TENM3: variants seen among roughly 807,000 people sequenced by gnomAD.
TENM3 encodes the protein teneurin-3.
A neutral mutation model predicts 255.1 loss-of-function variants in TENM3; 63 were observed. The observed-to-expected ratio is 0.25, with a 90% CI of 0.20 to 0.30. TENM3 has a LOEUF of 0.30. TENM3 is among the 10% of genes least tolerant of loss of function. The pLI is 1.00. For missense variants in TENM3, 2,929 were observed against 3,461.1 expected (o/e 0.85, Z 3.86); for synonymous variants, 1,306 against 1,322.3 (o/e 0.99, Z 0.27).
the TENM3 span, among the ~76,000 whole-genome samples, chr4:181,972,303 C>T: frequency 1.3e-5 from 2 of 151,770 alleles, no homozygotes; most frequent in Non-Finnish European, 2.9e-5. Flanking sequence ...CCTGTAGTCC[C>T]AGCTACTTGG....
the TENM3 span, among the ~76,000 whole-genome samples, chr4:181,820,592 C>T: frequency 1.1e-4 from 16 of 152,240 alleles, no homozygotes; most frequent in Middle Eastern, 3.4e-3. Flanking sequence ...TGTGCCGTGG[C>T]TCACAAAAGC....
chr4:182,021,141 C>G, the TENM3 span, among the ~76,000 whole-genome samples: 1 of 152,130 alleles, frequency 6.6e-6, no homozygotes, highest in Admixed American at 6.6e-5. Context: ...GTTTAGCTCC[C>G]ACTTATGAGA....
chr4:182,212,277 C>T (rs942145321), intron 1 of TENM3, among the ~76,000 whole-genome samples: 2 of 152,198 alleles, frequency 1.3e-5, no homozygotes, highest in Non-Finnish European at 2.9e-5. Context: ...CAGCCTTGAC[C>T]GCCACATGGC....
At chr4:181,855,683 A>G in the TENM3 span, among the ~76,000 whole-genome samples, 3 of 152,230 alleles carry the variant, frequency 2.0e-5, no homozygotes, top group Non-Finnish European at 2.9e-5. Context: ...GATATTTAAG[A>G]TGTAGAAACT....
the TENM3 span, among the ~76,000 whole-genome samples, chr4:181,759,347 C>T: frequency 6.6e-6 from 1 of 152,068 alleles, no homozygotes; most frequent in Admixed American, 6.6e-5. Flanking sequence ...CAAAACCCAT[C>T]TGCTTGTAAA....
rs887993769 is a variant in TENM3 at position 182,366,943 on chromosome 4, A to G, written c.511+20014A>G. Among the ~76,000 whole-genome samples the G allele has an allele frequency of 7.9e-5, 12 of 152,144 alleles. No homozygotes were observed. The South Asian group carries it at 8.3e-4, about 11-fold the overall frequency. ...CATAAGCATAACATTTAATCCCTAT[A>G]TTACGTATTTTGAGAGTTCGTTTTA... On this transcript the variant is annotated intron_variant, in intron 3 of 27. Transcript: ENST00000511685.
At chr4:182,024,434 T>C in the TENM3 span, among the ~76,000 whole-genome samples, 1 of 152,204 alleles carries the variant, frequency 6.6e-6, no homozygotes, top group East Asian at 1.9e-4. Flanking sequence ...TTTGTTTACA[T>C]ATTTATGTAT....
At chr4:181,504,017 T>A in the TENM3 span, among the ~76,000 whole-genome samples, 4 of 152,192 alleles carry the variant, frequency 2.6e-5, no homozygotes, top group African/African-American at 9.7e-5. Flanking sequence ...AAGGTTTTAG[T>A]GACAAAACAG....
In TENM3 at chr4:182,730,215, C is replaced by T. The variant is rs540307936; in HGVS notation, c.2601C>T (p.Ile867=). 4 of 1,613,790 alleles carry T rather than the reference C, an allele frequency of 2.5e-6. No individual in the cohort carries two copies. The highest frequency in any genetic ancestry group is 3.3e-5 in the Admixed American group (2 of 60,022). The change falls in exon 15 of 28, where the codon ATC becomes ATT. Residue 867 remains isoleucine, a synonymous_variant. Transcript: ENST00000511685. Reference sequence around the variant, plus strand: ...TTTCCAACAGCCTTGCATCTGTCATCAGAGGCCAAGTACTGACTGCTGATG... The same window carrying T: ...TTTCCAACAGCCTTGCATCTGTCATTAGAGGCCAAGTACTGACTGCTGATG... The part of the protein sequence containing the change: ...SPFNKSLASV[I]RGQVLTADGT...
At chr4:181,573,867 A>T in the TENM3 span, among the ~76,000 whole-genome samples, 1 of 152,198 alleles carries the variant, frequency 6.6e-6, no homozygotes, top group Non-Finnish European at 1.5e-5. Flanking sequence ...GTACAAGTAT[A>T]TTCTTCAGAA....
At chr4:182,090,497 G>A in the TENM3 span, among the ~76,000 whole-genome samples, 2 of 152,298 alleles carry the variant, frequency 1.3e-5, no homozygotes, top group South Asian at 4.1e-4. Flanking sequence ...ATAAAGCTAA[G>A]GAGATCATAA....
chr4:182,486,598 G>A (rs1430531072), intron 3 of TENM3, among the ~76,000 whole-genome samples: 1 of 152,104 alleles, frequency 6.6e-6, no homozygotes, highest in Non-Finnish European at 1.5e-5. Flanking sequence ...AAAAATCTTG[G>A]TAATAGAAAT....
chr4:181,713,393 T>C, the TENM3 span, among the ~76,000 whole-genome samples: 1 of 152,154 alleles, frequency 6.6e-6, no homozygotes, highest in East Asian at 1.9e-4. Context: ...TGAAACCCCA[T>C]TATGTGGGAT....
At chr4:181,685,094 T>C in the TENM3 span, among the ~76,000 whole-genome samples, 4 of 152,016 alleles carry the variant, frequency 2.6e-5, no homozygotes, top group Non-Finnish European at 4.4e-5. Context: ...GTTTTGTTTG[T>C]TTGTTTTAAC....
At chr4:181,792,800 C>G in the TENM3 span, among the ~76,000 whole-genome samples, 1 of 152,070 alleles carries the variant, frequency 6.6e-6, no homozygotes, top group African/African-American at 2.4e-5. Flanking sequence ...TGCAATTAAC[C>G]CACTTCTCCC....
At chr4:181,551,113 G>A in the TENM3 span, among the ~76,000 whole-genome samples, 1 of 152,152 alleles carries the variant, frequency 6.6e-6, no homozygotes. Context: ...CCCCTGGGAA[G>A]CAGGTTATGG....
At chr4:181,839,142 T>C in the TENM3 span, among the ~76,000 whole-genome samples, 3 of 150,908 alleles carry the variant, frequency 2.0e-5, no homozygotes, top group Admixed American at 2.0e-4. Flanking sequence ...AATTTAGAAA[T>C]AGATTTCTTA....
intron 4 of TENM3, among the ~76,000 whole-genome samples, chr4:182,606,977 T>C (rs1748500800): frequency 6.6e-6 from 1 of 152,224 alleles, no homozygotes; most frequent in South Asian, 2.1e-4. Flanking sequence ...ACCTGGTTTG[T>C]AATCCTGCAT....
chr4:181,453,138 G>A, the TENM3 span, among the ~76,000 whole-genome samples: 1 of 152,172 alleles, frequency 6.6e-6, no homozygotes, highest in Non-Finnish European at 1.5e-5. Context: ...AAATAGCTGT[G>A]CAAGGAACAA....
Sources: gnomAD v4.1 joint callset for allele counts (sites outside exome capture counted in the v4.1 genomes callset) on GRCh38, gnomAD v4.1.1 for gene constraint, MANE v1.5 for transcripts, NCBI Gene and HGNC (gene_info 2026-07-23, HGNC 2026-07-21) for gene names.